Variants in ABCA10 observed in about 807,000 individuals in gnomAD.
The protein encoded by ABCA10 is ATP binding cassette subfamily A member 10, also known as ATP-binding cassette sub-family A member 10.
ABCA10 carries 169 observed loss-of-function variants against 187.5 expected under a neutral mutation model. That is an observed-to-expected ratio of 0.90 (90% confidence interval 0.80 to 1.02). ABCA10 has a LOEUF of 1.02. Among genes scored for constraint, ABCA10 ranks in the 50% least tolerant of loss-of-function variants. The probability of loss-of-function intolerance (pLI) is 0.00; values close to 1 mark genes in which losing one functional copy is unlikely to be tolerated. For synonymous variants in ABCA10, 574 were observed against 601.8 expected, an observed-to-expected ratio of 0.95 and a Z score of 0.68; for missense variants, 1,727 against 1,812.4, an observed-to-expected ratio of 0.95 and a Z score of 0.86.
intron 19 of ABCA10, 69 bp from the exon 20 acceptor site, chr17:69,185,712 C>T (rs2074416034): frequency 9.3e-6 from 12 of 1,294,362 alleles, no homozygotes; most frequent in Non-Finnish European, 1.3e-5. Flanking sequence ...CACAAAGATG[C>T]TATATAAGTG....
chr17:69,155,956 C>A, intron 28 of ABCA10, 31 bp from the exon 29 acceptor site: 1 of 1,597,468 alleles, frequency 6.3e-7, no homozygotes, highest in Non-Finnish European at 8.5e-7. Context: ...CATAAAAATG[C>A]AATTTTGGCT....
chr17:69,158,514 C>T (rs368393521), intron 27 of ABCA10, among the ~76,000 whole-genome samples: 1 of 151,558 alleles, frequency 6.6e-6, no homozygotes, highest in South Asian at 2.1e-4. Context: ...TGAATATACA[C>T]AAAAGGGAAA....
In ABCA10 at chr17:69,150,980, G is replaced by A. The variant is rs957915240; in HGVS notation, c.4398-917C>T. On this transcript the variant is annotated intron_variant, in intron 36 of 38. Coordinates refer to ENST00000690296, the MANE Select transcript of ABCA10 (RefSeq NM_001377321.1). ...AGCTGAGAGCTCCTGGGGTTCATCC[G>A]ACTTCCTATCTCTCTTGTTGGCCTC... is the stretch of plus-strand genomic sequence containing the variant. 2.6e-5 allele frequency among the ~76,000 whole-genome samples: 4 copies of A among 152,166 alleles called. No homozygotes were observed. In the East Asian group the frequency reaches 7.7e-4, roughly 29 times the overall value.
At chr17:69,192,479 T>C (rs1277092505) in intron 16 of ABCA10, 84 bp downstream of exon 16, 1 of 1,226,772 alleles carries the variant, frequency 8.2e-7, no homozygotes, top group African/African-American at 1.5e-5. Flanking sequence ...TAAGTTGCCT[T>C]TCTTATATTT....
At chr17:69,196,227 G>T in intron 11 of ABCA10, 1 of 160,814 alleles carries the variant, frequency 6.2e-6, no homozygotes, top group South Asian at 1.8e-4. Flanking sequence ...GGCGGCTGCC[G>T]GGCGGAGATG....
At chr17:69,155,772 CA>C in intron 29 of ABCA10, 32 bp downstream of exon 29, 1 of 1,600,872 alleles carries the variant, frequency 6.2e-7, no homozygotes, top group South Asian at 1.1e-5. Context: ...ACTATCTGAG[CA>C]TTTTATTAAG....
intron 16 of ABCA10, among the ~76,000 whole-genome samples, chr17:69,191,612 AACACACAT>A (rs1391656543): frequency 6.6e-6 from 1 of 152,008 alleles, no homozygotes; most frequent in East Asian, 1.9e-4. Context: ...CACATACACA[AACACACAT>A]ACACACATGC....
In ABCA10 at chr17:69,148,731, C is replaced by T; in HGVS notation, c.*96G>A. ...TTATTGAATGTTTATTAAATGTTTT[C>T]TTTTGTTAACTGAAGTAAAAGGAAA... On this transcript the variant is annotated 3_prime_UTR_variant, in exon 39 of 39. Coordinates refer to ENST00000690296, the MANE Select transcript of ABCA10 (RefSeq NM_001377321.1). 1 of 1,048,740 alleles carries T rather than the reference C, an allele frequency of 9.5e-7. No individual in the cohort carries two copies. Among genetic ancestry groups the T allele is most frequent in the Non-Finnish European group, 1.4e-6 (1 of 718,588 alleles). The allele number at this position is 1,048,740 out of a possible 1,614,324, so 65.0% of individuals were successfully genotyped here.
chr17:69,212,935 G>A (rs2074671574), intron 9 of ABCA10, among the ~76,000 whole-genome samples: 1 of 152,160 alleles, frequency 6.6e-6, no homozygotes, highest in Non-Finnish European at 1.5e-5. Context: ...GGCACATTTA[G>A]GCCATTTACA....
At chr17:69,158,970 C>T (rs528030429) in intron 27 of ABCA10, among the ~76,000 whole-genome samples, 1 of 151,806 alleles carries the variant, frequency 6.6e-6, no homozygotes, top group African/African-American at 2.4e-5. Context: ...TAACTAAATG[C>T]CCTTTTTTGG....
chr17:69,224,635 T>C (rs1196280865), intron 3 of ABCA10, among the ~76,000 whole-genome samples: 2 of 142,858 alleles, frequency 1.4e-5, no homozygotes, highest in Non-Finnish European at 3.0e-5. Context: ...GCATCCTACA[T>C]AACATAGAGA....
chr17:69,195,247 G>A (rs2074489358), intron 11 of ABCA10, among the ~76,000 whole-genome samples: 1 of 152,110 alleles, frequency 6.6e-6, no homozygotes, highest in South Asian at 2.1e-4. Flanking sequence ...GGCCAAAATA[G>A]ACGATGAAGA....
intron 9 of ABCA10, among the ~76,000 whole-genome samples, chr17:69,203,247 G>A (rs1392931504): frequency 1.3e-5 from 2 of 152,002 alleles, no homozygotes; most frequent in Non-Finnish European, 2.9e-5. Flanking sequence ...TAGCCAAAAA[G>A]AGAAATTACA....
At chr17:69,239,262 T>C (rs770070488) in intron 1 of ABCA10, among the ~76,000 whole-genome samples, 8 of 152,164 alleles carry the variant, frequency 5.3e-5, no homozygotes, top group Non-Finnish European at 1.0e-4. Context: ...GTTAGGATTC[T>C]ATCCTCTCAC....
chr17:69,217,184 T>C (rs889951266), intron 6 of ABCA10, among the ~76,000 whole-genome samples: 7 of 151,296 alleles, frequency 4.6e-5, no homozygotes, highest in Non-Finnish European at 8.8e-5. Flanking sequence ...GAAGTGGAGG[T>C]TGCAGTGAGA....
rs1024510317 is a variant in ABCA10, at chr17:69,225,447, G to C, written c.-89C>G. The C allele has an allele frequency of 7.4e-5, 105 of 1,410,476 alleles. No homozygotes were observed. The highest frequency in any genetic ancestry group is 9.8e-5 in the Non-Finnish European group (99 of 1,007,648). 87.4% of individuals were successfully genotyped at this position (1,410,476 alleles called of 1,614,324 possible). ...ATCCACGCTTCCCAGGACTTTAGGAGGTTGTTCAGGAAAACGGGTAGCTCT... is the reference window on the plus strand; with the variant it reads ...ATCCACGCTTCCCAGGACTTTAGGACGTTGTTCAGGAAAACGGGTAGCTCT... On this transcript the variant is annotated 5_prime_UTR_variant, in exon 3 of 39. Coordinates refer to ENST00000690296, the MANE Select transcript of ABCA10 (RefSeq NM_001377321.1).
At chr17:69,162,574 T>C (rs926234062) in intron 27 of ABCA10, among the ~76,000 whole-genome samples, 4 of 152,144 alleles carry the variant, frequency 2.6e-5, no homozygotes, top group African/African-American at 7.2e-5. Flanking sequence ...GGGAAATTAT[T>C]GAGGGGTATC....
chr17:69,193,585 T>C lies in ABCA10; in HGVS notation c.1549A>G (p.Met517Val). 2 of 1,609,510 alleles carry C rather than the reference T, an allele frequency of 1.2e-6. No individual in the cohort carries two copies. Among genetic ancestry groups the C allele is most frequent in the Non-Finnish European group, 8.5e-7 (1 of 1,176,846 alleles). ...GCAATAATGTCTTGAATGCTTTGCA[T>C]GTCTAATTCCATTATAATTCTTTTT... ...EVKRIIMELD[M>V]QSIQDIIAKK... The change falls in exon 14 of 39, where the codon ATG becomes GTG. Residue 517 changes from methionine to valine, a missense_variant. By Grantham distance (21) the Met-to-Val change is conservative (BLOSUM62 1). Transcript: ENST00000690296.
In ABCA10 at chr17:69,173,591, G is replaced by A. The variant is rs529489500; in HGVS notation, c.3162+690C>T. 2.0e-5 allele frequency among the ~76,000 whole-genome samples: 3 copies of A among 152,246 alleles called. No individual in the cohort carries two copies. In the East Asian group the frequency reaches 5.8e-4, roughly 29 times the overall value. On this transcript the variant is annotated intron_variant, in intron 25 of 38. Transcript: ENST00000690296. The stretch of plus-strand genomic sequence containing the variant: ...CTAAGGGCGTGCCTAAGATGAGCCT[G>A]GGGAGAGAGTTTTACATTGCTTAAG...
Sources: gnomAD v4.1 joint callset for allele counts (sites outside exome capture counted in the v4.1 genomes callset) on GRCh38, gnomAD v4.1.1 for gene constraint, MANE v1.5 for transcripts, NCBI Gene and HGNC (gene_info 2026-07-23, HGNC 2026-07-21) for gene names.